Variants in KCNK2 observed in about 807,000 individuals in gnomAD.
KCNK2 encodes the protein potassium two pore domain channel subfamily K member 2, also known as potassium channel subfamily K member 2.
Under a neutral mutation model 40.5 loss-of-function variants are expected in KCNK2, and 21 were observed. The ratio of observed to expected loss-of-function variants is 0.52; its 90% confidence interval spans 0.37 to 0.75. KCNK2 has a LOEUF of 0.75. Among genes scored for constraint, KCNK2 ranks in the 30% least tolerant of loss-of-function variants. KCNK2 has a pLI of 0.00. For synonymous variants in KCNK2, 191 were observed against 202.2 expected (o/e 0.94, Z 0.47); for missense variants, 399 against 531.6 (o/e 0.75, Z 2.45).
At chr1:215,173,045 G>C (rs559109868) in intron 5 of KCNK2, among the ~76,000 whole-genome samples, 1 of 152,214 alleles carries the variant, frequency 6.6e-6, no homozygotes, top group South Asian at 2.1e-4. Context: ...TGTTACACAT[G>C]TGCCATGTTG....
chr1:215,135,363 TG>T (rs1324944480), intron 3 of KCNK2, among the ~76,000 whole-genome samples: 3 of 152,140 alleles, frequency 2.0e-5, no homozygotes, highest in Non-Finnish European at 4.4e-5. Flanking sequence ...GAAGACTAAA[TG>T]AGGCTGCATA....
upstream of KCNK2, among the ~76,000 whole-genome samples, chr1:215,081,584 T>G (rs1307799410): frequency 6.6e-6 from 1 of 151,902 alleles, no homozygotes; most frequent in South Asian, 2.1e-4. Flanking sequence ...ATTTACAAGC[T>G]TTTTTTCCCC....
chr1:215,125,450 T>C (rs1218506012), intron 3 of KCNK2, among the ~76,000 whole-genome samples: 1 of 152,034 alleles, frequency 6.6e-6, no homozygotes, highest in Non-Finnish European at 1.5e-5. Context: ...CATGTAAATG[T>C]CCTCTCTCTG....
chr1:215,039,908 A>G lies in KCNK2; in HGVS notation c.34+33953A>G, dbSNP rs368317705. On this transcript the variant is annotated intron_variant, in intron 1 of 6. Transcript: ENST00000391895. ...CTATCGTTGTTTGTTGCCTTCCGGG[A>G]GAGTGGAATTTCTACAGTGATTTAC... Among the ~76,000 whole-genome samples the G allele has an allele frequency of 5.5e-4, 83 of 152,046 alleles. 1 individual carries two copies. Among genetic ancestry groups the G allele is most frequent in the African/African-American group, 1.9e-3 (78 of 41,406 alleles).
At chr1:215,110,861 T>C (rs1660651873) in intron 2 of KCNK2, among the ~76,000 whole-genome samples, 1 of 152,146 alleles carries the variant, frequency 6.6e-6, no homozygotes, top group South Asian at 2.1e-4. Flanking sequence ...TTGTCATCAT[T>C]ATCAACTAAT....
intron 4 of KCNK2, among the ~76,000 whole-genome samples, chr1:215,170,242 G>A (rs777634271): frequency 6.6e-6 from 1 of 151,976 alleles, no homozygotes; most frequent in Non-Finnish European, 1.5e-5. Flanking sequence ...GCCATTGATA[G>A]GAATGTATCT....
intron 3 of KCNK2, 64 bp from the exon 4 acceptor site, chr1:215,169,135 A>G: frequency 7.5e-7 from 1 of 1,334,636 alleles, no homozygotes; most frequent in Non-Finnish European, 1.0e-6. Flanking sequence ...TTTCTGAATC[A>G]ATCTTGAGTT....
chr1:215,118,780 A>G (rs889007116), intron 2 of KCNK2, among the ~76,000 whole-genome samples: 2 of 152,166 alleles, frequency 1.3e-5, no homozygotes, highest in African/African-American at 4.8e-5. Flanking sequence ...AACCAGTTAT[A>G]CATATATCAT....
intron 2 of KCNK2, among the ~76,000 whole-genome samples, chr1:215,118,748 C>T (rs1661055077): frequency 6.6e-6 from 1 of 151,988 alleles, no homozygotes; most frequent in Non-Finnish European, 1.5e-5. Flanking sequence ...CTTAAATATC[C>T]AATTAAAATA....
chr1:215,011,998 A>G (rs1298621520), intron 1 of KCNK2, among the ~76,000 whole-genome samples: 1 of 151,912 alleles, frequency 6.6e-6, no homozygotes, highest in Non-Finnish European at 1.5e-5. Flanking sequence ...GTTTCTTTTT[A>G]TTGCTGAGAA....
chr1:215,021,967 C>CA (rs536124041), intron 1 of KCNK2, among the ~76,000 whole-genome samples: 64 of 152,278 alleles, frequency 4.2e-4, no homozygotes, highest in Non-Finnish European at 7.5e-4. Flanking sequence ...AGACTTACAG[C>CA]ACTGGCTGCA....
At chr1:215,203,060 T>C (rs913644789) in intron 6 of KCNK2, among the ~76,000 whole-genome samples, 4 of 152,050 alleles carry the variant, frequency 2.6e-5, no homozygotes, top group Non-Finnish European at 5.9e-5. Flanking sequence ...CTTTTCTCCT[T>C]ATGTGGGTAA....
chr1:215,029,408 G>T, intron 1 of KCNK2, among the ~76,000 whole-genome samples: 1 of 149,608 alleles, frequency 6.7e-6, no homozygotes, highest in Non-Finnish European at 1.5e-5. Context: ...TTCACTTAGT[G>T]GTATTAATTT....
chr1:215,136,795 G>A (rs1416035508), intron 3 of KCNK2, among the ~76,000 whole-genome samples: 3 of 152,144 alleles, frequency 2.0e-5, no homozygotes, highest in African/African-American at 7.2e-5. Flanking sequence ...CTTCAAGGGT[G>A]CTCAAGTGAA....
At chr1:215,051,666 C>T (rs1356602138) in intron 1 of KCNK2, among the ~76,000 whole-genome samples, 1 of 152,036 alleles carries the variant, frequency 6.6e-6, no homozygotes, top group African/African-American at 2.4e-5. Flanking sequence ...AACATTCAGG[C>T]TTGGGAAGCA....
chr1:215,171,916 CTT>C lies in KCNK2; in HGVS notation c.637-79_637-78del, dbSNP rs1352530477. Reference sequence around the variant, plus strand: ...ATACAAGTAATTTCTCTCTCTCTCTCTTTGTCTCTCTCTCTCTCTCTCTCTCC... The same window carrying C: ...ATACAAGTAATTTCTCTCTCTCTCTCTGTCTCTCTCTCTCTCTCTCTCTCC... On this transcript the variant is annotated intron_variant, in intron 4 of 6. Coordinates refer to ENST00000444842, the MANE Select transcript of KCNK2 (RefSeq NM_001017425.3). 3.8e-5 allele frequency: 34 copies of C among 889,836 alleles called. No homozygotes were observed. The East Asian group carries it at 7.1e-4, about 19-fold the overall frequency. The allele number at this position is 889,836 out of a possible 1,614,324, so 55.1% of individuals were successfully genotyped here.
At position 215,165,064 on chromosome 1, in the gene KCNK2, C is replaced by T. The variant is rs1490024164; in HGVS notation, c.476-4135C>T. On this transcript the variant is annotated intron_variant, in intron 3 of 6. Transcript: ENST00000444842. ...TGTATCATAAGGAATCCTAGAAGAC[C>T]ATCAGTCCAAAGTATTACACACTGC... Among the ~76,000 whole-genome samples, 6 of 152,130 alleles carry T rather than the reference C, an allele frequency of 3.9e-5. No individual in the cohort carries two copies. The South Asian group carries it at 8.3e-4, about 21-fold the overall frequency.
At chr1:215,014,900 T>C (rs1656532617) in intron 1 of KCNK2, among the ~76,000 whole-genome samples, 1 of 152,198 alleles carries the variant, frequency 6.6e-6, no homozygotes, top group Non-Finnish European at 1.5e-5. Flanking sequence ...CTGTAAGTTG[T>C]TTTAATGATA....
chr1:215,209,320 A>G (rs1202785616), intron 6 of KCNK2, among the ~76,000 whole-genome samples: 10 of 61,132 alleles, frequency 1.6e-4, no homozygotes, highest in African/African-American at 5.0e-4. Flanking sequence ...TATGAAATAT[A>G]CACATATTTT....
Sources: allele counts gnomAD v4.1 joint callset (sites outside exome capture counted in the v4.1 genomes callset), GRCh38; gene constraint gnomAD v4.1.1; transcripts MANE v1.5; gene names NCBI Gene and HGNC (gene_info 2026-07-23, HGNC 2026-07-21).